The following FAR1 variants were observed in gnomAD, a reference collection of about 807,000 sequenced individuals.
FAR1 encodes male sterility domain-containing protein 2.
Under a neutral mutation model 61.1 loss-of-function variants are expected in FAR1, and 22 were observed. The ratio of observed to expected loss-of-function variants is 0.36; its 90% CI spans 0.26 to 0.51. The LOEUF (loss-of-function observed/expected upper bound fraction) is 0.51, where lower values mean the gene tolerates loss of function less well. Ranked by LOEUF, FAR1 falls within the 20% of genes least tolerant of loss-of-function variation. The probability of loss-of-function intolerance (pLI) is 0.95; values close to 1 mark genes in which losing one functional copy is unlikely to be tolerated. For missense variants in FAR1, 359 were observed against 626.9 expected (o/e 0.57, Z 4.56); for synonymous variants, 206 against 209.7 (o/e 0.98, Z 0.15).
At chr11:13,720,437 A>G (rs1325130732) in intron 9 of FAR1, 1 of 152,180 alleles carries the variant, frequency 6.6e-6, no homozygotes, top group Non-Finnish European at 1.5e-5. Flanking sequence ...CTTTTTATCT[A>G]CAGAACTATC....
chr11:13,718,714 C>T (rs1218957815), intron 9 of FAR1, among the ~76,000 whole-genome samples: 1 of 152,166 alleles, frequency 6.6e-6, no homozygotes, highest in East Asian at 1.9e-4. Context: ...GTCACAATAT[C>T]TGTGGGTCAG....
rs78905377 is a variant in FAR1 at position 13,681,682 on chromosome 11, A to G, written c.-8+12876A>G. On this transcript the variant is annotated intron_variant, in intron 1 of 11. Coordinates refer to ENST00000354817, the MANE Select transcript of FAR1 (RefSeq NM_032228.6). ...CCAAACTATCTCATGGGGAAAATCG[A>G]AGAGGCTAAAGTCCGGAGCTAGAAC... Among the ~76,000 whole-genome samples, 1,087 of 152,330 alleles carry G rather than the reference A, an allele frequency of 7.1e-3. 19 individuals are homozygous for G. Among genetic ancestry groups the G allele is most frequent in the African/African-American group, 0.023 (973 of 41,578 alleles).
intron 10 of FAR1, among the ~76,000 whole-genome samples, chr11:13,725,406 A>G (rs1489408539): frequency 6.6e-6 from 1 of 151,836 alleles, no homozygotes; most frequent in Non-Finnish European, 1.5e-5. Context: ...ATTTTAGTAT[A>G]CATTACCTAG....
chr11:13,711,732 G>A (rs775770146), intron 5 of FAR1, 32 bp from the exon 6 acceptor site: 7 of 1,500,624 alleles, frequency 4.7e-6, no homozygotes, highest in Non-Finnish European at 6.4e-6. Flanking sequence ...ATGTTTCTAA[G>A]CTTCTCTCCC....
intron 10 of FAR1, among the ~76,000 whole-genome samples, chr11:13,724,541 C>T (rs930945986): frequency 3.5e-5 from 3 of 85,612 alleles, no homozygotes; most frequent in South Asian, 4.6e-4. Context: ...CAGAACGAGA[C>T]TCCGCCTCAA....
intron 1 of FAR1, among the ~76,000 whole-genome samples, chr11:13,683,222 A>G (rs1387024886): frequency 1.3e-5 from 2 of 152,018 alleles, no homozygotes; most frequent in East Asian, 1.9e-4. Context: ...GTGAAACCTC[A>G]TCTCTACTAA....
At chr11:13,671,059 T>C (rs185024121) in intron 1 of FAR1, among the ~76,000 whole-genome samples, 2 of 152,318 alleles carry the variant, frequency 1.3e-5, no homozygotes, top group Non-Finnish European at 2.9e-5. Context: ...AGAAACAATT[T>C]TGTGAAAGCG....
chr11:13,712,304 A>G (rs920653038), intron 7 of FAR1, among the ~76,000 whole-genome samples: 2 of 151,596 alleles, frequency 1.3e-5, no homozygotes, highest in Non-Finnish European at 2.9e-5. Context: ...AAAAAAAAAA[A>G]TACCCTCCCC....
chr11:13,681,427 C>A (rs763009375), intron 1 of FAR1, among the ~76,000 whole-genome samples: 1 of 152,072 alleles, frequency 6.6e-6, no homozygotes, highest in Admixed American at 6.5e-5. Flanking sequence ...TTGTACAGAC[C>A]CTAACTGTTC....
chr11:13,710,060 T>C (rs1008364145), intron 4 of FAR1, among the ~76,000 whole-genome samples: 4 of 152,132 alleles, frequency 2.6e-5, no homozygotes, highest in Non-Finnish European at 5.9e-5. Flanking sequence ...TGCTTCAATT[T>C]ATTTTTATTG....
intron 1 of FAR1, among the ~76,000 whole-genome samples, chr11:13,693,143 T>C (rs901650339): frequency 6.6e-6 from 1 of 152,100 alleles, no homozygotes; most frequent in African/African-American, 2.4e-5. Flanking sequence ...GAAGAAGAAT[T>C]ATCTTGGGCC....
chr11:13,697,319 G>A (rs758692548), intron 2 of FAR1, among the ~76,000 whole-genome samples: 7 of 151,938 alleles, frequency 4.6e-5, no homozygotes, highest in Non-Finnish European at 8.8e-5. Context: ...AAAATTAGCC[G>A]GGCGTGGTGG....
chr11:13,700,242 GA>G (rs1299020864), intron 2 of FAR1, 74 bp from the exon 3 acceptor site: 20 of 1,116,392 alleles, frequency 1.8e-5, no homozygotes, highest in African/African-American at 4.9e-5. Context: ...TCCTTGGTGG[GA>G]AAAAAATGGT....
At position 13,729,077 on chromosome 11, in the gene FAR1, T is replaced by TA. The variant is rs529570993; in HGVS notation, c.*305dup. The TA allele has an allele frequency of 4.1e-4, 88 of 214,384 alleles. No individual in the cohort carries two copies. Among genetic ancestry groups the TA allele is most frequent in the African/African-American group, 1.8e-3 (77 of 43,992 alleles). 13.3% of individuals were successfully genotyped at this position (214,384 alleles called of 1,614,324 possible). A position where few individuals can be genotyped will look rare whatever the true frequency, so the allele number is the denominator to read the frequency against. The stretch of plus-strand genomic sequence containing the variant: ...GGGGAAATAGGAACACTGACCAGTA[T>TA]AACTGTGCAATTCTGGAACATATTA... On this transcript the variant is annotated 3_prime_UTR_variant, in exon 12 of 12. Coordinates refer to ENST00000354817, the MANE Select transcript of FAR1 (RefSeq NM_032228.6).
intron 2 of FAR1, among the ~76,000 whole-genome samples, chr11:13,698,563 G>T (rs1347519664): frequency 6.6e-6 from 1 of 152,162 alleles, no homozygotes; most frequent in Non-Finnish European, 1.5e-5. Context: ...CGGGCTGGTG[G>T]CTCACGCCTA....
chr11:13,717,425 C>A (rs1848568586), intron 9 of FAR1, among the ~76,000 whole-genome samples: 1 of 152,152 alleles, frequency 6.6e-6, no homozygotes, highest in African/African-American at 2.4e-5. Flanking sequence ...AGGCACCCAG[C>A]AAACACTGGT....
At chr11:13,725,854 T>A (rs1848662761) in intron 10 of FAR1, among the ~76,000 whole-genome samples, 1 of 152,152 alleles carries the variant, frequency 6.6e-6, no homozygotes, top group Non-Finnish European at 1.5e-5. Context: ...ATGTAATTCC[T>A]ATCATTTTAG....
At chr11:13,678,453 A>G (rs1365936977) in intron 1 of FAR1, among the ~76,000 whole-genome samples, 2 of 151,894 alleles carry the variant, frequency 1.3e-5, no homozygotes, top group East Asian at 3.9e-4. Flanking sequence ...TTTAGTAGAG[A>G]CGGGGTTTCA....
At chr11:13,711,668 A>C (rs2134192130) in intron 5 of FAR1, 96 bp from the exon 6 acceptor site, 1 of 918,408 alleles carries the variant, frequency 1.1e-6, no homozygotes, top group Admixed American at 2.3e-5. Flanking sequence ...GAAGACAGCT[A>C]CCAAGTATAT....
Sources: allele counts gnomAD v4.1 joint callset (sites outside exome capture counted in the v4.1 genomes callset), GRCh38; gene constraint gnomAD v4.1.1; transcripts MANE v1.5; gene names NCBI Gene and HGNC (gene_info 2026-07-23, HGNC 2026-07-21).